The following HYDIN variants were observed in gnomAD, a reference collection of about 807,000 sequenced individuals.
HYDIN encodes the protein axonemal central pair apparatus protein HYDIN.
HYDIN carries 132 observed loss-of-function variants against 403.9 expected under a neutral mutation model. That is an observed-to-expected ratio of 0.33 (90% CI 0.28 to 0.38). The LOEUF is 0.38. HYDIN is among the 10% of genes least tolerant of loss of function. HYDIN has a pLI of 1.00. For missense variants in HYDIN, 2,827 were observed against 5,009.5 expected (o/e 0.56, Z 13.15); for synonymous variants, 1,202 against 1,891.7 (o/e 0.64, Z 9.46).
chr16:70,986,428 C>T (rs892330699), intron 27 of HYDIN, among the ~76,000 whole-genome samples: 11 of 152,152 alleles, frequency 7.2e-5, no homozygotes, highest in African/African-American at 2.2e-4. Flanking sequence ...CTGGAGACGA[C>T]GAAGGCAAGA....
At chr16:71,136,672 C>T (rs1268472293) in intron 8 of HYDIN, among the ~76,000 whole-genome samples, 1 of 143,968 alleles carries the variant, frequency 6.9e-6, no homozygotes, top group Admixed American at 7.2e-5. Flanking sequence ...GAGGCTGAGG[C>T]AGGAGAATTG....
At chr16:71,028,106 C>T (rs556415394) in intron 19 of HYDIN, among the ~76,000 whole-genome samples, 16 of 150,340 alleles carry the variant, frequency 1.1e-4, no homozygotes, top group Admixed American at 2.7e-4. Context: ...CGTAAGTCTT[C>T]CCCAGCAGGC....
intron 4 of HYDIN, among the ~76,000 whole-genome samples, chr16:71,178,434 A>AAAATATATATATATATATATGTAT: frequency 1.1e-5 from 1 of 94,548 alleles, no homozygotes; most frequent in African/African-American, 4.6e-5. Context: ...AAAAAAAAAA[A>AAAATATATATATATATATATGTAT]ATATATATAT....
chr16:71,114,307 TATA>T lies in HYDIN; in HGVS notation c.1327+1386_1327+1388del, dbSNP rs2083934023. 2.7e-5 allele frequency among the ~76,000 whole-genome samples: 4 copies of T among 150,304 alleles called. No homozygotes were observed. The South Asian group carries it at 8.4e-4, about 32-fold the overall frequency. ...ACAGATTCCTATTTATTCAATGGAT[TATA>T]ATAATCTATTAGTATCATTATTTTG... On this transcript the variant is annotated intron_variant, in intron 10 of 85. Coordinates refer to ENST00000393567, the MANE Select transcript of HYDIN (RefSeq NM_001270974.2).
chr16:71,060,326 ACATT>A (rs1316720403), intron 18 of HYDIN, among the ~76,000 whole-genome samples, 174 bp downstream of exon 18: 8 of 152,248 alleles, frequency 5.3e-5, no homozygotes, highest in Non-Finnish European at 7.3e-5. Flanking sequence ...ATTGATGCAT[ACATT>A]ATTATGTTAA....
intron 18 of HYDIN, among the ~76,000 whole-genome samples, chr16:71,036,032 T>A (rs2081074591): frequency 6.6e-6 from 1 of 151,778 alleles, no homozygotes; most frequent in Admixed American, 6.6e-5. Flanking sequence ...GAGAGTTGAG[T>A]GTGCCGAGCT....
chr16:70,866,611 T>A (rs1313941401), intron 66 of HYDIN, among the ~76,000 whole-genome samples: 1 of 151,890 alleles, frequency 6.6e-6, no homozygotes, highest in Middle Eastern at 3.2e-3. Context: ...AAAAAACAAG[T>A]CTTAAAAATA....
intron 41 of HYDIN, among the ~76,000 whole-genome samples, chr16:70,947,902 A>G (rs1270916728): frequency 6.7e-6 from 1 of 149,662 alleles, no homozygotes; most frequent in Admixed American, 6.6e-5. Flanking sequence ...TATAGATTCA[A>G]TGCCATCCCC....
intron 60 of HYDIN, among the ~76,000 whole-genome samples, chr16:70,881,988 A>T (rs1416720216): frequency 6.6e-6 from 1 of 152,252 alleles, no homozygotes; most frequent in East Asian, 1.9e-4. Flanking sequence ...AAAAAGTATG[A>T]TCTGACTCAG....
chr16:71,193,588 G>A (rs575868330), intron 1 of HYDIN, among the ~76,000 whole-genome samples: 1 of 152,186 alleles, frequency 6.6e-6, no homozygotes, highest in East Asian at 1.9e-4. Flanking sequence ...TTTTCTGTAG[G>A]GAATTGAGTT....
chr16:71,220,633 G>A (rs1003286502), intron 1 of HYDIN, among the ~76,000 whole-genome samples: 11 of 152,096 alleles, frequency 7.2e-5, no homozygotes, highest in Non-Finnish European at 1.3e-4. Flanking sequence ...CAGGTTTCAC[G>A]AAAGATTTAC....
intron 23 of HYDIN, among the ~76,000 whole-genome samples, chr16:71,016,868 C>T (rs1281119830): frequency 4.6e-5 from 7 of 152,056 alleles, no homozygotes; most frequent in African/African-American, 9.7e-5. Flanking sequence ...AAGCCAGTCA[C>T]GGGAAGATAC....
At chr16:71,170,933 G>A (rs1225863623) in intron 5 of HYDIN, among the ~76,000 whole-genome samples, 1 of 152,206 alleles carries the variant, frequency 6.6e-6, no homozygotes, top group African/African-American at 2.4e-5. Flanking sequence ...ACAGCAGAAA[G>A]TAGAAAGACA....
At chr16:71,228,660 G>A (rs1341363016) in intron 1 of HYDIN, among the ~76,000 whole-genome samples, 3 of 152,172 alleles carry the variant, frequency 2.0e-5, no homozygotes, top group African/African-American at 7.2e-5. Context: ...AAAACAACAG[G>A]TGCTGGAGAG....
chr16:70,885,661 T>C (rs1470551249), intron 58 of HYDIN, among the ~76,000 whole-genome samples: 2 of 151,256 alleles, frequency 1.3e-5, no homozygotes, highest in African/African-American at 4.9e-5. Context: ...GAGGAGAGGA[T>C]AAGTTCATTG....
chr16:71,226,271 T>C (rs1202830156), intron 1 of HYDIN, among the ~76,000 whole-genome samples: 2 of 152,166 alleles, frequency 1.3e-5, no homozygotes, highest in Admixed American at 6.5e-5. Context: ...CATTGATAAA[T>C]CAGAAACATG....
chr16:71,098,142 G>T (rs10852487), intron 10 of HYDIN, among the ~76,000 whole-genome samples: 1 of 151,584 alleles, frequency 6.6e-6, no homozygotes, highest in Non-Finnish European at 1.5e-5. Context: ...GGAAAAGAGG[G>T]TCCTCTAAAG....
intron 12 of HYDIN, chr16:71,081,026 G>T (rs1375236035): frequency 3.3e-5 from 5 of 151,614 alleles, no homozygotes; most frequent in Non-Finnish European, 5.9e-5. Context: ...AGGAAACACA[G>T]CCCTGCCAAC....
Position 71,223,641 on chromosome 16 carries a change from A to C in HYDIN, c.-24+6921T>G, listed in dbSNP as rs1424576878. 4.1e-5 allele frequency among the ~76,000 whole-genome samples: 6 copies of C among 145,808 alleles called. No individual in the cohort carries two copies. In the East Asian group the frequency reaches 1.3e-3, roughly 31 times the overall value. On this transcript the variant is annotated intron_variant, in intron 1 of 85. Coordinates refer to ENST00000393567, the MANE Select transcript of HYDIN (RefSeq NM_001270974.2). The stretch of plus-strand genomic sequence containing the variant: ...AACAAATCAGCAAGAAAAAAAAAAA[A>C]ACAAATAATCCCTTCAAAAAGTGAG...
Sources: gnomAD v4.1 joint callset for allele counts (sites outside exome capture counted in the v4.1 genomes callset) on GRCh38, gnomAD v4.1.1 for gene constraint, MANE v1.5 for transcripts, NCBI Gene and HGNC (gene_info 2026-07-23, HGNC 2026-07-21) for gene names.